The following POC1B variants were observed in gnomAD, a reference collection of about 807,000 sequenced individuals.
POC1B encodes the protein POC1 centriolar protein B.
Under a neutral mutation model 60.6 loss-of-function variants are expected in POC1B, and 44 were observed. The ratio of observed to expected loss-of-function variants is 0.73; its 90% CI spans 0.57 to 0.93. The LOEUF is 0.93. Among genes scored for constraint, POC1B ranks in the 40% least tolerant of loss-of-function variants. The probability of loss-of-function intolerance (pLI) is 0.00; values close to 1 mark genes in which losing one functional copy is unlikely to be tolerated. For synonymous variants in POC1B, 180 were observed against 198.9 expected (o/e 0.90, Z 0.80); for missense variants, 555 against 572.3 (o/e 0.97, Z 0.31).
At chr12:89,475,362 G>A (rs1229519252) in intron 4 of POC1B, among the ~76,000 whole-genome samples, 1 of 152,142 alleles carries the variant, frequency 6.6e-6, no homozygotes, top group East Asian at 1.9e-4. Context: ...AGAAGGAGGC[G>A]AGGTTTCTAC....
At chr12:89,499,634 T>C (rs1431592353) in intron 2 of POC1B, among the ~76,000 whole-genome samples, 2 of 152,004 alleles carry the variant, frequency 1.3e-5, no homozygotes, top group South Asian at 4.3e-4. Context: ...TTTTTAATTG[T>C]GTTCTCAAAG....
intron 2 of POC1B, chr12:89,524,420 G>A (rs1266024555): frequency 3.5e-5 from 56 of 1,613,860 alleles, no homozygotes; most frequent in Non-Finnish European, 4.5e-5. Flanking sequence ...CTTGACCCCA[G>A]CTCCCTGGCA....
intron 10 of POC1B, among the ~76,000 whole-genome samples, chr12:89,439,917 G>A (rs1881438912): frequency 6.6e-6 from 1 of 152,044 alleles, no homozygotes; most frequent in African/African-American, 2.4e-5. Context: ...GAGTAGCAAG[G>A]TTTTAGATCT....
chr12:89,500,984 T>C lies in POC1B; in HGVS notation c.101-3642A>G, dbSNP rs1592631294. The stretch of plus-strand genomic sequence containing the variant: ...TTCCACCTCATTCGTGTCCTCCCGA[T>C]GATATGAAGTTGATAGAGGATGAAT... On this transcript the variant is annotated intron_variant, in intron 2 of 11. Transcript: ENST00000313546. 5.5e-6 allele frequency: 5 copies of C among 910,752 alleles called. No individual in the cohort carries two copies. In the East Asian group the frequency reaches 1.3e-4, roughly 23 times the overall value. 56.4% of individuals were successfully genotyped at this position (910,752 alleles called of 1,614,324 possible).
At position 89,425,226 on chromosome 12, in the gene POC1B, T is replaced by A; in HGVS notation, c.1267A>T (p.Ser423Cys). Residue 423 changes from serine (S) to cysteine (C), a missense_variant, in exon 11 of 12, where the codon AGC becomes TGC. By Grantham distance (112) the Ser-to-Cys change is moderately radical. Coordinates refer to ENST00000313546, the MANE Select transcript of POC1B (RefSeq NM_172240.3). ...GCATCAGTCACAGCGAGAGGTATGC[T>A]CCTTTGACTTTCACAGGGGAGGTCA... ...MSDLPCESQRSIPLAVTDALE... is the reference protein window; with the variant it reads ...MSDLPCESQRCIPLAVTDALE... 6.2e-7 allele frequency: 1 copy of A among 1,614,192 alleles called. No individual in the cohort carries two copies. The highest frequency in any genetic ancestry group is 1.7e-5 in the Admixed American group (1 of 60,016).
the POC1B span, among the ~76,000 whole-genome samples, chr12:89,405,988 G>GTT: frequency 2.4e-4 from 29 of 122,338 alleles, no homozygotes; most frequent in East Asian, 7.2e-4. Context: ...AGTTTTGAGT[G>GTT]TTTTTTTTTT....
At chr12:89,525,649 C>A (rs535464856) in intron 1 of POC1B, 2 of 1,276,124 alleles carry the variant, frequency 1.6e-6, no homozygotes, top group African/African-American at 1.5e-5. Context: ...CAGCTCAGTC[C>A]GGAGCTCCGG....
chr12:89,406,436 A>G, the POC1B span, among the ~76,000 whole-genome samples: 1 of 152,118 alleles, frequency 6.6e-6, no homozygotes, highest in African/African-American at 2.4e-5. Flanking sequence ...TATATGATTA[A>G]CTTAAGGCTC....
intron 10 of POC1B, among the ~76,000 whole-genome samples, chr12:89,455,779 C>G (rs979139061): frequency 6.6e-6 from 1 of 152,144 alleles, no homozygotes; most frequent in African/African-American, 2.4e-5. Context: ...ATATTATGCA[C>G]AGTTGCCAGG....
At chr12:89,441,664 G>A (rs1210981316) in intron 10 of POC1B, among the ~76,000 whole-genome samples, 1 of 152,202 alleles carries the variant, frequency 6.6e-6, no homozygotes, top group Non-Finnish European at 1.5e-5. Flanking sequence ...AAGATGGGGA[G>A]AAGCCAGAGC....
intron 2 of POC1B, among the ~76,000 whole-genome samples, chr12:89,506,919 C>T (rs1277417909): frequency 6.6e-6 from 1 of 152,024 alleles, no homozygotes; most frequent in African/African-American, 2.4e-5. Context: ...ATATTCCTAA[C>T]ATCAGAATTT....
At chr12:89,503,045 A>T (rs1415639507) in intron 2 of POC1B, among the ~76,000 whole-genome samples, 1 of 151,946 alleles carries the variant, frequency 6.6e-6, no homozygotes, top group Non-Finnish European at 1.5e-5. Flanking sequence ...GTTTTAAAAT[A>T]AAAAAATTAT....
chr12:89,438,444 G>C (rs1034533819), intron 10 of POC1B, among the ~76,000 whole-genome samples: 1 of 152,244 alleles, frequency 6.6e-6, no homozygotes, highest in African/African-American at 2.4e-5. Context: ...GTGAAAGAGC[G>C]AGACTCCGTC....
the POC1B span, among the ~76,000 whole-genome samples, chr12:89,402,428 A>G: frequency 6.6e-6 from 1 of 152,078 alleles, no homozygotes; most frequent in African/African-American, 2.4e-5. Flanking sequence ...TTACATAGGT[A>G]AACCTATGTA....
Position 89,466,923 on chromosome 12 carries a change from C to T in POC1B, c.880-1G>A. ...CAAAGTTAGTCCTCCATAATAAGAC[C>T]TATGAAAAAAGTCAATGATGTTGGC... On this transcript the variant is annotated splice_acceptor_variant, in intron 8 of 11. Transcript: ENST00000313546. LOFTEE classifies it high-confidence loss of function. 1 of 1,603,670 alleles carries T rather than the reference C, an allele frequency of 6.2e-7. No individual in the cohort carries two copies. Among genetic ancestry groups the T allele is most frequent in the South Asian group, 1.1e-5 (1 of 89,522 alleles).
At chr12:89,417,579 T>G (rs1880384329), downstream of POC1B, among the ~76,000 whole-genome samples, 2 of 152,210 alleles carry the variant, frequency 1.3e-5, no homozygotes, top group Admixed American at 1.3e-4. Flanking sequence ...TTTAAAAAAG[T>G]CTGTAAAACC....
At position 89,470,442 on chromosome 12, in the gene POC1B, GAGAT is replaced by G; in HGVS notation, c.725_728del (p.Tyr242SerfsTer16). Reference sequence around the variant, plus strand: ...GGGTACCATCTGAAGAAGCTGTGATGAGATAGTTACCCGAAGGATGGAATGATAT... The same window carrying G: ...GGGTACCATCTGAAGAAGCTGTGATGAGTTACCCGAAGGATGGAATGATAT... On this transcript the variant is annotated frameshift_variant, in exon 7 of 12. Transcript: ENST00000313546. LOFTEE classifies it high-confidence loss of function. 2 of 1,608,208 alleles carry G rather than the reference GAGAT, an allele frequency of 1.2e-6. No individual in the cohort carries two copies. Among genetic ancestry groups the G allele is most frequent in the Non-Finnish European group, 1.7e-6 (2 of 1,175,656 alleles).
intron 10 of POC1B, chr12:89,428,425 G>A (rs1880865891): frequency 1.3e-5 from 2 of 152,244 alleles, no homozygotes; most frequent in Non-Finnish European, 1.5e-5. Context: ...TTGTATTTAT[G>A]TATTTGCTGC....
intron 3 of POC1B, among the ~76,000 whole-genome samples, chr12:89,494,179 A>G (rs1236117312): frequency 6.6e-6 from 1 of 152,090 alleles, no homozygotes; most frequent in African/African-American, 2.4e-5. Flanking sequence ...AGCTAGGACT[A>G]TAGGTGTGCA....
Sources: gnomAD v4.1 joint callset for allele counts (sites outside exome capture counted in the v4.1 genomes callset) on GRCh38, gnomAD v4.1.1 for gene constraint, MANE v1.5 for transcripts, NCBI Gene and HGNC (gene_info 2026-07-23, HGNC 2026-07-21) for gene names.